Variants in RAP1GAP observed in about 807,000 individuals in gnomAD.
RAP1GAP encodes RAP1 GTPase activating protein.
RAP1GAP carries 35 observed loss-of-function variants against 87.2 expected under a neutral mutation model. The ratio of observed to expected loss-of-function variants is 0.40; its 90% CI spans 0.31 to 0.53. The LOEUF (loss-of-function observed/expected upper bound fraction) is 0.53. Ranked by LOEUF, RAP1GAP falls within the 20% of genes least tolerant of loss-of-function variation. The pLI is 0.48. For synonymous variants in RAP1GAP, 375 were observed against 363.9 expected (o/e 1.03, Z -0.35); for missense variants, 734 against 898.9 (o/e 0.82, Z 2.35).
Position 21,599,554 on chromosome 1 carries a change from G to A in RAP1GAP, c.1716C>T (p.Ala572=), listed in dbSNP as rs146179301. Residue 572 remains alanine, a synonymous_variant, in exon 21 of 25, where the codon GCC becomes GCT. Transcript: ENST00000374765. ...LKDFSRSSSS[A]SSFASVVEET... ...CCTCCACCACGCTGGCGAAGCTGCTGGCACTGGACGAGGAGCGGGAGAAGT... is the reference window on the plus strand; with the variant it reads ...CCTCCACCACGCTGGCGAAGCTGCTAGCACTGGACGAGGAGCGGGAGAAGT... The A allele has an allele frequency of 1.7e-4, 267 of 1,609,542 alleles. 1 individual carries two copies. The highest frequency in any genetic ancestry group is 1.6e-4 in the Middle Eastern group (1 of 6,068).
intron 17 of RAP1GAP, 142 bp from the exon 18 acceptor site, chr1:21,606,339 G>A: frequency 8.0e-7 from 1 of 1,255,606 alleles, no homozygotes; most frequent in Non-Finnish European, 1.1e-6. Context: ...TGGGCATGTG[G>A]CCAGCAGGGC....
chr1:21,654,659 C>T (rs907055106), intron 1 of RAP1GAP, among the ~76,000 whole-genome samples: 2 of 151,520 alleles, frequency 1.3e-5, no homozygotes, highest in Non-Finnish European at 2.9e-5. Context: ...ATAGTGAGAC[C>T]TGTCTCTACA....
chr1:21,636,746 G>T (rs2094734213), intron 2 of RAP1GAP, among the ~76,000 whole-genome samples: 1 of 151,882 alleles, frequency 6.6e-6, no homozygotes, highest in Non-Finnish European at 1.5e-5. Context: ...GATGGAGGTT[G>T]CAGTGAGCCG....
intron 3 of RAP1GAP, among the ~76,000 whole-genome samples, chr1:21,623,937 C>T (rs1186762896): frequency 2.6e-5 from 4 of 152,174 alleles, no homozygotes; most frequent in Admixed American, 6.5e-5. Context: ...TGAGACTCCA[C>T]GACCGGATGT....
At chr1:21,631,324 C>T (rs574168278) in intron 2 of RAP1GAP, among the ~76,000 whole-genome samples, 8 of 152,342 alleles carry the variant, frequency 5.3e-5, no homozygotes, top group Non-Finnish European at 2.9e-5. Context: ...TGACCGTGGT[C>T]ACATCTGTGC....
rs569341242 is a variant in RAP1GAP, at chr1:21,603,569, C to A, written c.1429-656G>T. 7 of 634,244 alleles carry A rather than the reference C, an allele frequency of 1.1e-5. No individual in the cohort carries two copies. The highest frequency in any genetic ancestry group is 1.1e-4 in the African/African-American group (6 of 55,036). 39.3% of individuals were successfully genotyped at this position (634,244 alleles called of 1,614,324 possible). A position where few individuals can be genotyped will look rare whatever the true frequency, so the allele number is the denominator to read the frequency against. On this transcript the variant is annotated intron_variant, in intron 18 of 24. Coordinates refer to ENST00000374765, the MANE Select transcript of RAP1GAP (RefSeq NM_002885.4). This position sits in a 1 kb window ranked among gnomAD's most constrained non-coding sequence, Gnocchi z 6.0. ...GGCTGGGTGTAGGGCCTTTGGGTAC[C>A]GGATCCTGGCAGGGACTGGGCCAGG... is the stretch of plus-strand genomic sequence containing the variant.
In RAP1GAP at chr1:21,606,671, T is replaced by C. The variant is rs76237555; in HGVS notation, c.1297-474A>G. 5.4e-3 allele frequency among the ~76,000 whole-genome samples: 820 copies of C among 152,232 alleles called. 8 individuals carry two copies. Among genetic ancestry groups the C allele is most frequent in the African/African-American group, 0.018 (759 of 41,514 alleles). On this transcript the variant is annotated intron_variant, in intron 17 of 24. Transcript: ENST00000374765. ...TTCTTTCTTTTCTTCCCTCCCACCCTCTTTCCTTGTTTTTTTCAGACCAAT... is the reference window on the plus strand; with the variant it reads ...TTCTTTCTTTTCTTCCCTCCCACCCCCTTTCCTTGTTTTTTTCAGACCAAT...
At position 21,601,225 on chromosome 1, in the gene RAP1GAP, C is replaced by A. The variant is rs2068122885; in HGVS notation, c.1652+459G>T. ...TTCTTTCTGTCCCTGGAGTGTGCCC[C>A]AGGCCTCTGCACTGGCCGAGCTCCT... On this transcript the variant is annotated intron_variant, in intron 20 of 24. Coordinates refer to ENST00000374765, the MANE Select transcript of RAP1GAP (RefSeq NM_002885.4). 2.6e-5 allele frequency among the ~76,000 whole-genome samples: 4 copies of A among 152,112 alleles called. 1 individual carries two copies. The South Asian group carries it at 8.3e-4, about 31-fold the overall frequency.
At chr1:21,651,847 G>A (rs1436257498) in intron 1 of RAP1GAP, 1 of 1,132,812 alleles carries the variant, frequency 8.8e-7, no homozygotes, top group African/African-American at 1.7e-5. Context: ...CGCCCGGCCC[G>A]GCCCGCGCGA....
rs1384206136 is a variant in RAP1GAP at position 21,615,414 on chromosome 1, T to TG, written c.292-1326dup. Among the ~76,000 whole-genome samples, 1 of 151,442 alleles carries TG rather than the reference T, an allele frequency of 6.6e-6. No individual in the cohort carries two copies. The highest frequency in any genetic ancestry group is 1.5e-5 in the Non-Finnish European group (1 of 67,856). ...GAAGCCTCTTCTTTTTTTTTTGAGA[T>TG]GGAGTCTTGCTCTGTCGCCCAGGCT... is the stretch of plus-strand genomic sequence containing the variant. On this transcript the variant is annotated intron_variant, in intron 7 of 24. Coordinates refer to ENST00000374765, the MANE Select transcript of RAP1GAP (RefSeq NM_002885.4). The surrounding 1 kb of genome is among the most constrained non-coding windows in gnomAD (Gnocchi z 4.5).
chr1:21,637,952 T>G (rs1009286952), intron 2 of RAP1GAP, among the ~76,000 whole-genome samples: 2 of 101,252 alleles, frequency 2.0e-5, no homozygotes, highest in Non-Finnish European at 3.7e-5. Context: ...CTGGGCAACA[T>G]AGCAAAACCC....
At chr1:21,638,250 G>A (rs1356925355) in intron 2 of RAP1GAP, among the ~76,000 whole-genome samples, 1 of 151,932 alleles carries the variant, frequency 6.6e-6, no homozygotes, top group Non-Finnish European at 1.5e-5. Flanking sequence ...TTGAGGTCAG[G>A]AGTTTCAGAC....
chr1:21,608,826 C>T (rs746674438), intron 16 of RAP1GAP, 24 bp downstream of exon 16: 39 of 1,599,016 alleles, frequency 2.4e-5, no homozygotes, highest in Non-Finnish European at 3.3e-5. Flanking sequence ...AGAGGGTCAC[C>T]CAGCCCTCAC....
intron 12 of RAP1GAP, 27 bp from the exon 13 acceptor site, chr1:21,611,608 C>T (rs1242797676): frequency 1.2e-6 from 2 of 1,613,912 alleles, no homozygotes; most frequent in African/African-American, 2.7e-5. Context: ...CAGGCCACGC[C>T]TCAGTCTCCA....
At chr1:21,599,164 C>T (rs1681257) in intron 21 of RAP1GAP, among the ~76,000 whole-genome samples, 139,446 of 152,258 alleles carry the variant, frequency 0.92, 63,872 homozygotes, top group East Asian at 0.97. Flanking sequence ...ATGGCACATG[C>T]GCAAAGGGCC....
rs543841209 is a variant in RAP1GAP at position 21,612,953 on chromosome 1, C to T, written c.528+223G>A. 1.1e-4 allele frequency: 66 copies of T among 582,410 alleles called. 2 individuals are homozygous for T. The highest frequency in any genetic ancestry group is 9.4e-4 in the South Asian group (47 of 49,778). 36.1% of individuals were successfully genotyped at this position (582,410 alleles called of 1,614,324 possible). A position where few individuals can be genotyped will look rare whatever the true frequency, so the allele number is the denominator to read the frequency against. ...AGGCCAGCCTCTAAGGCAGACAAACCGAGGCTTAAACGCAGGCCCTCCTAT... is the reference window on the plus strand; with the variant it reads ...AGGCCAGCCTCTAAGGCAGACAAACTGAGGCTTAAACGCAGGCCCTCCTAT... On this transcript the variant is annotated intron_variant, in intron 10 of 24. Coordinates refer to ENST00000374765, the MANE Select transcript of RAP1GAP (RefSeq NM_002885.4).
At chr1:21,617,206 A>G in intron 7 of RAP1GAP, 100 bp downstream of exon 7, 1 of 1,361,318 alleles carries the variant, frequency 7.3e-7, no homozygotes, top group Non-Finnish European at 1.0e-6. Context: ...ACTGTCACCC[A>G]GCCCTGGCCC....
At chr1:21,661,198 G>T (rs182929785) in intron 1 of RAP1GAP, among the ~76,000 whole-genome samples, 1 of 151,388 alleles carries the variant, frequency 6.6e-6, no homozygotes, top group Non-Finnish European at 1.5e-5. Context: ...GTTGCACTGA[G>T]CTGAGATCGC....
At chr1:21,639,671 G>A (rs2095314094) in intron 2 of RAP1GAP, among the ~76,000 whole-genome samples, 1 of 152,186 alleles carries the variant, frequency 6.6e-6, no homozygotes, top group Non-Finnish European at 1.5e-5. Flanking sequence ...CTCCTGTGGG[G>A]GCAGGCGGGG....
Sources: allele counts gnomAD v4.1 joint callset (sites outside exome capture counted in the v4.1 genomes callset), GRCh38; gene constraint gnomAD v4.1.1; non-coding constraint Gnocchi (gnomAD v3.1); transcripts MANE v1.5; gene names NCBI Gene and HGNC (gene_info 2026-07-23, HGNC 2026-07-21).